IMPG2: variants seen among roughly 807,000 people sequenced by gnomAD.
The protein encoded by IMPG2 is IPM 200.
Under a neutral mutation model 129.2 loss-of-function variants are expected in IMPG2, and 91 were observed. The ratio of observed to expected loss-of-function variants is 0.70; its 90% CI spans 0.59 to 0.84. IMPG2 has a LOEUF of 0.84. Among genes scored for constraint, IMPG2 ranks in the 40% least tolerant of loss-of-function variants. The pLI is 0.00. For synonymous variants in IMPG2, 510 were observed against 517.7 expected (o/e 0.99, Z 0.20); for missense variants, 1,430 against 1,461.7 (o/e 0.98, Z 0.35).
rs140535443 is a variant in IMPG2, at chr3:101,306,741, C to CA, written c.335-2430dup. 5.7e-3 allele frequency among the ~76,000 whole-genome samples: 864 copies of CA among 151,758 alleles called. 13 individuals carry two copies. The highest frequency in any genetic ancestry group is 0.02 in the Middle Eastern group (6 of 294). On this transcript the variant is annotated intron_variant, in intron 2 of 18. Transcript: ENST00000193391. ...CTCAATGCCTTCTTCATACTATACA[C>CA]AAAAAATGATTTGAAATATTAGGGC... is the stretch of plus-strand genomic sequence containing the variant.
In IMPG2 at chr3:101,275,763, A is replaced by T; in HGVS notation, c.584-18T>A. ...AGTAGTGTCTAAGAAGAAAAGCAAA[A>T]ACATATGCATGAATTCAGTCCTCGA... On this transcript the variant is annotated intron_variant, in intron 5 of 18. Coordinates refer to ENST00000193391, the MANE Select transcript of IMPG2 (RefSeq NM_016247.4). The T allele has an allele frequency of 1.3e-6, 2 of 1,573,682 alleles. No individual in the cohort carries two copies. The highest frequency in any genetic ancestry group is 1.7e-6 in the Non-Finnish European group (2 of 1,143,234).
intron 10 of IMPG2, among the ~76,000 whole-genome samples, chr3:101,256,116 A>AAAAG (rs1421329493): frequency 6.8e-6 from 1 of 147,282 alleles, no homozygotes; most frequent in African/African-American, 2.5e-5. Context: ...GAAAGAAAGA[A>AAAAG]AAAGAAAGAG....
At chr3:101,276,229 C>T (rs888570319) in intron 5 of IMPG2, among the ~76,000 whole-genome samples, 1 of 152,024 alleles carries the variant, frequency 6.6e-6, no homozygotes, top group African/African-American at 2.4e-5. Flanking sequence ...AAATGAATTA[C>T]CAATTTACAA....
intron 10 of IMPG2, 92 bp from the exon 11 acceptor site, chr3:101,253,873 C>T (rs1308200573): frequency 3.4e-6 from 3 of 877,132 alleles, no homozygotes; most frequent in Non-Finnish European, 5.6e-6. Context: ...TCTTTCTCTT[C>T]ATTGTTTAGA....
intron 16 of IMPG2, among the ~76,000 whole-genome samples, chr3:101,230,230 A>T (rs1240574451): frequency 6.6e-6 from 1 of 152,212 alleles, no homozygotes; most frequent in East Asian, 1.9e-4. Flanking sequence ...CTAGACCTCA[A>T]GTTGTAGCTC....
At chr3:101,272,111 AC>A (rs1706790189) in intron 7 of IMPG2, among the ~76,000 whole-genome samples, 1 of 151,600 alleles carries the variant, frequency 6.6e-6, no homozygotes, top group Non-Finnish European at 1.5e-5. Flanking sequence ...ACACACACAC[AC>A]ACACACACAT....
At chr3:101,268,571 C>G (rs749072200) in intron 8 of IMPG2, among the ~76,000 whole-genome samples, 3 of 151,990 alleles carry the variant, frequency 2.0e-5, no homozygotes, top group Non-Finnish European at 2.9e-5. Flanking sequence ...AGCATAGTAA[C>G]TATCTCATAG....
chr3:101,289,046 C>T (rs1163228305), intron 4 of IMPG2, among the ~76,000 whole-genome samples: 1 of 152,160 alleles, frequency 6.6e-6, no homozygotes, highest in Non-Finnish European at 1.5e-5. Context: ...AGTTCATTTC[C>T]TCAAGAATGT....
chr3:101,244,149 C>T lies in IMPG2; in HGVS notation c.2182G>A (p.Ala728Thr). Residue 728 changes from alanine (A) to threonine (T), a missense_variant, in exon 13 of 19, where the codon GCA becomes ACA. Transcript: ENST00000193391. ...TKAPLILTSV[A>T]ISASTDKSDQ... ...GATTTATCAGTAGAGGCAGAGATTG[C>T]TACAGATGTCAGTATAAGAGGTGCT... The T allele has an allele frequency of 6.2e-7, 1 of 1,614,068 alleles. No homozygotes were observed. Among genetic ancestry groups the T allele is most frequent in the African/African-American group, 1.3e-5 (1 of 75,046 alleles).
intron 3 of IMPG2, among the ~76,000 whole-genome samples, chr3:101,294,734 C>T (rs1334616946): frequency 6.6e-6 from 1 of 152,222 alleles, no homozygotes. Flanking sequence ...TCCTATTTCT[C>T]AACAGCCTCG....
At chr3:101,264,645 A>G (rs1296488868) in intron 9 of IMPG2, among the ~76,000 whole-genome samples, 1 of 152,146 alleles carries the variant, frequency 6.6e-6, no homozygotes, top group East Asian at 1.9e-4. Flanking sequence ...GAACAAGGCA[A>G]GAATGCCCAC....
At chr3:101,270,589 G>A (rs901862932) in intron 7 of IMPG2, among the ~76,000 whole-genome samples, 4 of 152,054 alleles carry the variant, frequency 2.6e-5, no homozygotes, top group African/African-American at 9.7e-5. Context: ...CACGAGGTCA[G>A]GAGATGGAGA....
intron 18 of IMPG2, among the ~76,000 whole-genome samples, chr3:101,228,128 G>A (rs1706243676): frequency 6.6e-6 from 1 of 152,170 alleles, no homozygotes; most frequent in Non-Finnish European, 1.5e-5. Context: ...TTTCAAGATA[G>A]TTTATTTTGT....
At position 101,253,751 on chromosome 3, in the gene IMPG2, T is replaced by C. The variant is rs375834731; in HGVS notation, c.1184A>G (p.Asp395Gly). 5.0e-6 allele frequency: 8 copies of C among 1,611,638 alleles called. No homozygotes were observed. The highest frequency in any genetic ancestry group is 6.8e-6 in the Non-Finnish European group (8 of 1,178,772). ...VRGVLRHQTE[D>G]LVWNTQSSSL... ...TGAACTTTGGGTGTTCCAAACTAGATCTTCAGTTTGGTGACGCAAAACTCC... is the reference window on the plus strand; with the variant it reads ...TGAACTTTGGGTGTTCCAAACTAGACCTTCAGTTTGGTGACGCAAAACTCC... The change falls in exon 11 of 19, where the codon GAT becomes GGT. Residue 395 changes from aspartate (D) to glycine (G), a missense_variant. By Grantham distance (94) the Asp-to-Gly change is moderately conservative. Transcript: ENST00000193391.
intron 10 of IMPG2, among the ~76,000 whole-genome samples, chr3:101,255,659 C>T (rs1342409999): frequency 1.3e-5 from 2 of 152,050 alleles, no homozygotes; most frequent in African/African-American, 4.8e-5. Flanking sequence ...ATCTTCTGCC[C>T]ATATGCCATC....
chr3:101,232,175 A>G (rs1211688804), intron 15 of IMPG2, among the ~76,000 whole-genome samples: 1 of 152,114 alleles, frequency 6.6e-6, no homozygotes, highest in East Asian at 1.9e-4. Context: ...ATTAAAAACT[A>G]CAATACAAAG....
At chr3:101,249,562 TA>T (rs571398086) in intron 11 of IMPG2, among the ~76,000 whole-genome samples, 140 of 147,232 alleles carry the variant, frequency 9.5e-4, no homozygotes, top group African/African-American at 2.8e-3. Context: ...TAGCTTTGGT[TA>T]AAAAAAAAAG....
intron 4 of IMPG2, among the ~76,000 whole-genome samples, chr3:101,283,813 T>C (rs981896176): frequency 1.3e-5 from 2 of 152,204 alleles, no homozygotes; most frequent in African/African-American, 4.8e-5. Context: ...TTGAGGACTT[T>C]GGGAGAAAAG....
chr3:101,291,394 A>G, intron 4 of IMPG2, 85 bp downstream of exon 4: 4 of 1,107,886 alleles, frequency 3.6e-6, no homozygotes, highest in Admixed American at 1.7e-5. Context: ...ATAGAAAGGC[A>G]CCATTAAATT....
Sources: gnomAD v4.1 joint callset for allele counts (sites outside exome capture counted in the v4.1 genomes callset) on GRCh38, gnomAD v4.1.1 for gene constraint, MANE v1.5 for transcripts, NCBI Gene and HGNC (gene_info 2026-07-23, HGNC 2026-07-21) for gene names.